Variants in FAM168A observed in about 807,000 individuals in gnomAD.
The protein encoded by FAM168A is protein FAM168A.
FAM168A carries 3 observed loss-of-function variants against 28.5 expected under a neutral mutation model. That is an observed-to-expected ratio of 0.11 (90% CI 0.05 to 0.27). The LOEUF is 0.27. Among genes scored for constraint, FAM168A ranks in the 10% least tolerant of loss-of-function variants. The pLI, the probability that FAM168A is intolerant of heterozygous loss-of-function variation, is 1.00. For synonymous variants in FAM168A, 122 were observed against 124.2 expected (o/e 0.98, Z 0.12); for missense variants, 222 against 311.5 (o/e 0.71, Z 2.16).
chr11:73,493,549 G>C (rs954269082), intron 1 of FAM168A, among the ~76,000 whole-genome samples: 2 of 152,014 alleles, frequency 1.3e-5, no homozygotes, highest in Non-Finnish European at 2.9e-5. Context: ...CTAAGTAGCT[G>C]GGTCTACCGA....
chr11:73,503,683 G>C (rs975294408), intron 1 of FAM168A, among the ~76,000 whole-genome samples: 2 of 152,070 alleles, frequency 1.3e-5, no homozygotes, highest in Non-Finnish European at 2.9e-5. Context: ...GAAGACCCTG[G>C]ATAGCCAAGA....
At chr11:73,495,971 AC>A (rs1854864985) in intron 1 of FAM168A, among the ~76,000 whole-genome samples, 1 of 152,214 alleles carries the variant, frequency 6.6e-6, no homozygotes, top group South Asian at 2.1e-4. Context: ...ATATTTGCAC[AC>A]CCATGTTCAT....
At chr11:73,445,419 C>CTCTCTCTCTTTTTTTTTTTTTTTTTTTT (rs776745757) in intron 2 of FAM168A, among the ~76,000 whole-genome samples, 1 of 50,432 alleles carries the variant, frequency 2.0e-5, no homozygotes, top group African/African-American at 7.1e-5. Context: ...AAAAATGTCT[C>CTCTCTCTCTTTTTTTTTTTTTTTTTTTT]TTTTTTTTTT....
chr11:73,459,358 C>A (rs1345570385), intron 2 of FAM168A, among the ~76,000 whole-genome samples: 1 of 151,794 alleles, frequency 6.6e-6, no homozygotes, highest in African/African-American at 2.4e-5. Context: ...TGGTGGCATG[C>A]GCCTATAGTC....
rs955880716 is a variant in FAM168A, at chr11:73,455,296, T to G, written c.70+13109A>C. On this transcript the variant is annotated intron_variant, in intron 2 of 7. Coordinates refer to ENST00000356467, the MANE Select transcript of FAM168A (RefSeq NM_015159.3). The stretch of plus-strand genomic sequence containing the variant: ...TGTTCCTGCCAGCGCCCAAAAGCAC[T>G]TGCTCTAGTTCCTGCACTGGTTCGC... Among the ~76,000 whole-genome samples, 135 of 152,318 alleles carry G rather than the reference T, an allele frequency of 8.9e-4. 1 individual carries two copies. Among genetic ancestry groups the G allele is most frequent in the African/African-American group, 3.2e-3 (131 of 41,568 alleles).
chr11:73,509,256 T>A (rs1352244303), intron 1 of FAM168A, among the ~76,000 whole-genome samples: 1 of 152,224 alleles, frequency 6.6e-6, no homozygotes, highest in Non-Finnish European at 1.5e-5. Context: ...AGGACAAGGC[T>A]GATTGTGAAC....
rs58842936 is a variant in FAM168A, at chr11:73,441,471, T to C, written c.71-10701A>G. Among the ~76,000 whole-genome samples the C allele has an allele frequency of 7.3e-3, 1,116 of 152,368 alleles. 17 individuals carry two copies. Among genetic ancestry groups the C allele is most frequent in the African/African-American group, 0.026 (1,078 of 41,586 alleles). ...TTTGTATTCAAATGGGTTATTGGTC[T>C]ATCTATAGTTTTCTTGTGATGTCTT... On this transcript the variant is annotated intron_variant, in intron 2 of 7. Coordinates refer to ENST00000356467, the MANE Select transcript of FAM168A (RefSeq NM_015159.3).
chr11:73,494,673 A>G (rs1484328575), intron 1 of FAM168A, among the ~76,000 whole-genome samples: 1 of 152,218 alleles, frequency 6.6e-6, no homozygotes, highest in Non-Finnish European at 1.5e-5. Context: ...GATTCCTAGC[A>G]GCACCAACGC....
At chr11:73,594,540 TTTTG>T (rs201636488) in intron 1 of FAM168A, among the ~76,000 whole-genome samples, 5 of 152,254 alleles carry the variant, frequency 3.3e-5, no homozygotes, top group East Asian at 1.9e-4. Context: ...TTTGTTTGTT[TTTTG>T]TTTGTTTGTT....
At chr11:73,588,486 T>C (rs984375722) in intron 1 of FAM168A, among the ~76,000 whole-genome samples, 1 of 151,754 alleles carries the variant, frequency 6.6e-6, no homozygotes, top group African/African-American at 2.4e-5. Flanking sequence ...AGCCCAGGAG[T>C]TGGAGACCAG....
At chr11:73,454,734 T>C (rs1867496696) in intron 2 of FAM168A, among the ~76,000 whole-genome samples, 2 of 152,294 alleles carry the variant, frequency 1.3e-5, no homozygotes, top group South Asian at 2.1e-4. Context: ...TGGAGAGAAG[T>C]GGCTTGACTT....
At chr11:73,438,926 G>C (rs1867142530) in intron 2 of FAM168A, among the ~76,000 whole-genome samples, 1 of 152,148 alleles carries the variant, frequency 6.6e-6, no homozygotes, top group South Asian at 2.1e-4. Flanking sequence ...TCTAACTGCA[G>C]GGTTTGCAAG....
rs371058444 is a variant in FAM168A, at chr11:73,407,515, G to T, written c.*16C>A. ...TCTCTCACCCTGGCCACACTCACTT[G>T]GATGGGCTGCAGGCTTTACCAGTGT... On this transcript the variant is annotated splice_region_variant and 3_prime_UTR_variant, in exon 7 of 8. Transcript: ENST00000356467. The T allele has an allele frequency of 6.4e-7, 1 of 1,553,408 alleles. No individual in the cohort carries two copies. Among genetic ancestry groups the T allele is most frequent in the Non-Finnish European group, 8.7e-7 (1 of 1,156,040 alleles).
intron 1 of FAM168A, among the ~76,000 whole-genome samples, chr11:73,480,472 C>T (rs1252743613): frequency 3.9e-5 from 6 of 151,916 alleles, no homozygotes; most frequent in Non-Finnish European, 7.4e-5. Flanking sequence ...CACAAGTACT[C>T]GGACCTTACT....
chr11:73,428,058 C>T (rs1866920450), intron 3 of FAM168A, among the ~76,000 whole-genome samples: 1 of 152,204 alleles, frequency 6.6e-6, no homozygotes, highest in Non-Finnish European at 1.5e-5. Flanking sequence ...GCAATTTATT[C>T]TAAGCACATC....
At chr11:73,453,233 T>C (rs762518886) in intron 2 of FAM168A, among the ~76,000 whole-genome samples, 1 of 152,188 alleles carries the variant, frequency 6.6e-6, no homozygotes, top group Non-Finnish European at 1.5e-5. Context: ...TATTCATAGA[T>C]AGCTGTTATA....
chr11:73,432,152 G>A (rs1867006007), intron 2 of FAM168A, among the ~76,000 whole-genome samples: 1 of 152,164 alleles, frequency 6.6e-6, no homozygotes. Flanking sequence ...GTATATGCCA[G>A]ACTTTCTTTA....
chr11:73,530,309 C>T (rs1943501352), intron 1 of FAM168A, among the ~76,000 whole-genome samples: 2 of 152,058 alleles, frequency 1.3e-5, no homozygotes. Context: ...CCTAGGCTGA[C>T]TACATTTCTC....
intron 1 of FAM168A, among the ~76,000 whole-genome samples, chr11:73,544,821 A>C (rs1214888219): frequency 2.0e-5 from 2 of 101,966 alleles, no homozygotes; most frequent in Non-Finnish European, 3.5e-5. Context: ...ATATATAATA[A>C]ATTTATTATA....
Sources: allele counts gnomAD v4.1 joint callset (sites outside exome capture counted in the v4.1 genomes callset), GRCh38; gene constraint gnomAD v4.1.1; transcripts MANE v1.5; gene names NCBI Gene and HGNC (gene_info 2026-07-23, HGNC 2026-07-21).